SRRM4: variants seen among roughly 807,000 people sequenced by gnomAD.
SRRM4 encodes serine/arginine repetitive matrix protein 4.
In SRRM4, 33 loss-of-function variants were observed where a neutral mutation model predicts 68.9. That is an observed-to-expected ratio of 0.48 (90% CI 0.36 to 0.64). The LOEUF (loss-of-function observed/expected upper bound fraction) is 0.64, where lower values mean the gene tolerates loss of function less well. Ranked by LOEUF, SRRM4 falls within the 30% of genes least tolerant of loss-of-function variation. SRRM4 has a pLI of 0.00. For synonymous variants in SRRM4, 318 were observed against 318.8 expected, an observed-to-expected ratio of 1.00 and a Z score of 0.03; for missense variants, 817 against 827.1, an observed-to-expected ratio of 0.99 and a Z score of 0.15.
chr12:119,122,768 T>C (rs1189446451), intron 6 of SRRM4, among the ~76,000 whole-genome samples: 1 of 152,148 alleles, frequency 6.6e-6, no homozygotes, highest in South Asian at 2.1e-4. Flanking sequence ...AGGGGTCGTA[T>C]GGTGGTTTTT....
At chr12:119,075,482 GTGATGATGA>G (rs1186422815) in intron 1 of SRRM4, among the ~76,000 whole-genome samples, 1 of 145,268 alleles carries the variant, frequency 6.9e-6, no homozygotes, top group South Asian at 2.3e-4. Context: ...GGTGCTGATG[GTGATGATGA>G]TGGTGGTGAT....
At chr12:119,035,883 G>T (rs1048835854) in intron 1 of SRRM4, among the ~76,000 whole-genome samples, 3 of 152,022 alleles carry the variant, frequency 2.0e-5, no homozygotes, top group Non-Finnish European at 2.9e-5. Context: ...TTATCTGCTG[G>T]CCCCTGGCTT....
At chr12:119,094,762 T>C (rs1439535684) in intron 1 of SRRM4, among the ~76,000 whole-genome samples, 2 of 152,250 alleles carry the variant, frequency 1.3e-5, no homozygotes, top group African/African-American at 4.8e-5. Flanking sequence ...AGAGAACTTC[T>C]TATATACCAT....
chr12:118,987,741 A>G (rs1953291300), intron 1 of SRRM4, among the ~76,000 whole-genome samples: 1 of 152,186 alleles, frequency 6.6e-6, no homozygotes, highest in Non-Finnish European at 1.5e-5. Context: ...GGCTCTTGCT[A>G]TTAATAATAA....
intron 1 of SRRM4, among the ~76,000 whole-genome samples, chr12:119,061,690 ATGT>A (rs1953813197): frequency 6.6e-6 from 1 of 152,186 alleles, no homozygotes; most frequent in South Asian, 2.1e-4. Context: ...GAAAAGATAG[ATGT>A]GTCCTATAAC....
intron 1 of SRRM4, among the ~76,000 whole-genome samples, chr12:119,096,946 G>A (rs1218910366): frequency 2.0e-5 from 3 of 152,088 alleles, no homozygotes; most frequent in African/African-American, 4.8e-5. Flanking sequence ...GGAATCTGCC[G>A]GTTGCCATGA....
intron 1 of SRRM4, among the ~76,000 whole-genome samples, chr12:119,011,951 T>C (rs950120076): frequency 4.6e-5 from 7 of 152,188 alleles, no homozygotes; most frequent in Non-Finnish European, 8.8e-5. Flanking sequence ...GTCCACCTCA[T>C]AGGTTGAATT....
intron 1 of SRRM4, among the ~76,000 whole-genome samples, chr12:119,047,030 T>TAAA (rs11415940): frequency 7.4e-5 from 9 of 122,180 alleles, no homozygotes; most frequent in East Asian, 2.5e-4. Flanking sequence ...AGATCCCGTC[T>TAAA]AAAAAAAAAA....
At chr12:119,020,140 G>A (rs1953507767) in intron 1 of SRRM4, among the ~76,000 whole-genome samples, 1 of 151,910 alleles carries the variant, frequency 6.6e-6, no homozygotes, top group Admixed American at 6.6e-5. Flanking sequence ...ATCAAAAATT[G>A]CACCACCAGG....
chr12:119,077,329 G>T (rs1287444157), intron 1 of SRRM4, among the ~76,000 whole-genome samples: 1 of 152,144 alleles, frequency 6.6e-6, no homozygotes, highest in Non-Finnish European at 1.5e-5. Flanking sequence ...AGGTGATTTT[G>T]ATATAAGTGA....
At position 119,154,193 on chromosome 12, in the gene SRRM4, G is replaced by A. The variant is rs772994668; in HGVS notation, c.1392-50G>A. On this transcript the variant is annotated intron_variant, in intron 11 of 12. Transcript: ENST00000267260. The surrounding 1 kb of genome is among the most constrained non-coding windows in gnomAD (Gnocchi z 4.7). ...TGTCCCTCTCCCACGCGCTCACGCA[G>A]AAAATCCAGCCCAGCCCCAGCTCCC... 2 of 1,538,902 alleles carry A rather than the reference G, an allele frequency of 1.3e-6. No individual in the cohort carries two copies. The highest frequency in any genetic ancestry group is 2.4e-5 in the South Asian group (2 of 84,380).
At chr12:118,987,299 G>T (rs991931852) in intron 1 of SRRM4, among the ~76,000 whole-genome samples, 8 of 152,172 alleles carry the variant, frequency 5.3e-5, no homozygotes, top group Admixed American at 1.3e-4. Flanking sequence ...ATGCTCTTGT[G>T]TACTATGCCA....
chr12:119,156,444 G>A, intron 12 of SRRM4, 51 bp from the exon 13 acceptor site: 2 of 1,523,134 alleles, frequency 1.3e-6, no homozygotes, highest in Non-Finnish European at 1.8e-6. Context: ...GCTCGCTGCG[G>A]GGAGGCACGG....
intron 1 of SRRM4, among the ~76,000 whole-genome samples, chr12:118,986,761 T>C (rs773726465): frequency 8.5e-5 from 13 of 152,078 alleles, no homozygotes; most frequent in Non-Finnish European, 1.8e-4. Flanking sequence ...AAGTCTCCAT[T>C]ACCTCCACCA....
In SRRM4 at chr12:119,154,604, G is replaced by A. The variant is rs1954461142; in HGVS notation, c.1532+221G>A. 6.6e-6 allele frequency among the ~76,000 whole-genome samples: 1 copy of A among 152,192 alleles called. No individual in the cohort carries two copies. The highest frequency in any genetic ancestry group is 1.5e-5 in the Non-Finnish European group (1 of 68,030). On this transcript the variant is annotated intron_variant, in intron 12 of 12. Transcript: ENST00000267260. This position sits in a 1 kb window ranked among gnomAD's most constrained non-coding sequence, Gnocchi z 4.7. The stretch of plus-strand genomic sequence containing the variant: ...CCAGCAGGGCCTGCAAGAAGGGGGC[G>A]GGGCCAGCCTGAAGAATCGGGTGTG...
In SRRM4 at chr12:119,127,051, G is replaced by T. The variant is rs1954265425; in HGVS notation, c.614+1572G>T. On this transcript the variant is annotated intron_variant, in intron 7 of 12. Transcript: ENST00000267260. Reference sequence around the variant, plus strand: ...AGGAAGGGGAACATCATACTCTGGGGACTGTTGTGGGGTTGGGGGACGGGG... The same window carrying T: ...AGGAAGGGGAACATCATACTCTGGGTACTGTTGTGGGGTTGGGGGACGGGG... 1.4e-5 allele frequency among the ~76,000 whole-genome samples: 2 copies of T among 140,594 alleles called. 1 individual carries two copies. The highest frequency in any genetic ancestry group is 5.3e-4 in the South Asian group (2 of 3,802). 92.2% of individuals were successfully genotyped at this position (140,594 alleles called of 152,430 possible). A position where few individuals can be genotyped will look rare whatever the true frequency, so the allele number is the denominator to read the frequency against.
rs371491640 is a variant in SRRM4, at chr12:119,145,722, C to G, written c.1076+37C>G. ...ACACAGGGTCGGGGGTAGACGGTCT[C>G]CCACCTTAGCTCCACCTTCTCATGC... is the stretch of plus-strand genomic sequence containing the variant. On this transcript the variant is annotated intron_variant, in intron 9 of 12. Coordinates refer to ENST00000267260, the MANE Select transcript of SRRM4 (RefSeq NM_194286.4). 95 of 1,450,352 alleles carry G rather than the reference C, an allele frequency of 6.6e-5. No homozygotes were observed. In the African/African-American group the frequency reaches 1.2e-3, roughly 18 times the overall value. The allele number at this position is 1,450,352 out of a possible 1,614,324, so 89.8% of individuals were successfully genotyped here. A position where few individuals can be genotyped will look rare whatever the true frequency, so the allele number is the denominator to read the frequency against.
rs1954498279 is a variant in SRRM4 at position 119,159,763 on chromosome 12, A to ACC, written c.*2966_*2967dup. On this transcript the variant is annotated 3_prime_UTR_variant, in exon 13 of 13. Coordinates refer to ENST00000267260, the MANE Select transcript of SRRM4 (RefSeq NM_194286.4). Reference sequence around the variant, plus strand: ...CTCTGTCCCCTGAGATCTGAAGGCTACCTTGGGAAGAGGCATCAGCCATCT... The same window carrying ACC: ...CTCTGTCCCCTGAGATCTGAAGGCTACCCCTTGGGAAGAGGCATCAGCCATCT... 6.6e-6 allele frequency: 1 copy of ACC among 152,102 alleles called. No homozygotes were observed. The highest frequency in any genetic ancestry group is 1.5e-5 in the Non-Finnish European group (1 of 68,022). The allele number at this position is 152,102 out of a possible 1,614,324, so 9.4% of individuals were successfully genotyped here.
At chr12:119,031,819 T>A (rs1288764671) in intron 1 of SRRM4, among the ~76,000 whole-genome samples, 2 of 152,064 alleles carry the variant, frequency 1.3e-5, no homozygotes, top group Non-Finnish European at 2.9e-5. Context: ...AAAGTTTTAA[T>A]AGAATAAAGA....
Sources: allele counts gnomAD v4.1 joint callset (sites outside exome capture counted in the v4.1 genomes callset), GRCh38; gene constraint gnomAD v4.1.1; non-coding constraint Gnocchi (gnomAD v3.1); transcripts MANE v1.5; gene names NCBI Gene and HGNC (gene_info 2026-07-23, HGNC 2026-07-21).